The following PCDH9 variants were observed in gnomAD, a reference collection of about 807,000 sequenced individuals.
PCDH9 encodes protocadherin-9.
A neutral mutation model predicts 70.6 loss-of-function variants in PCDH9; 24 were observed. The ratio of observed to expected loss-of-function variants is 0.34; its 90% CI spans 0.25 to 0.48. PCDH9 has a LOEUF of 0.48. Among genes scored for constraint, PCDH9 ranks in the 20% least tolerant of loss-of-function variants. The pLI is 0.99. For missense variants in PCDH9, 1,281 were observed against 1,503.6 expected (o/e 0.85, Z 2.45); for synonymous variants, 562 against 558.5 (o/e 1.01, Z -0.09).
intron 4 of PCDH9, among the ~76,000 whole-genome samples, chr13:66,629,336 T>C (rs1013456494): frequency 6.6e-6 from 1 of 152,170 alleles, no homozygotes; most frequent in Non-Finnish European, 1.5e-5. Flanking sequence ...AGAGAAAACA[T>C]GGTCAGGAAC....
intron 3 of PCDH9, among the ~76,000 whole-genome samples, chr13:66,758,840 C>T (rs1424032582): frequency 1.3e-5 from 2 of 151,966 alleles, no homozygotes; most frequent in Non-Finnish European, 2.9e-5. Flanking sequence ...TTCTTCATAA[C>T]TCAATCTTTG....
intron 2 of PCDH9, among the ~76,000 whole-genome samples, chr13:67,146,169 A>C (rs949557752): frequency 1.3e-5 from 2 of 152,158 alleles, no homozygotes; most frequent in Admixed American, 6.5e-5. Flanking sequence ...CAGGAAATTC[A>C]TGCTAAACAG....
At chr13:66,536,567 G>T (rs1277492500) in intron 4 of PCDH9, among the ~76,000 whole-genome samples, 1 of 151,972 alleles carries the variant, frequency 6.6e-6, no homozygotes, top group African/African-American at 2.4e-5. Flanking sequence ...AGAAAGTCTT[G>T]ATATTTTTGT....
intron 3 of PCDH9, among the ~76,000 whole-genome samples, chr13:66,634,414 A>G (rs887582018): frequency 1.3e-5 from 2 of 152,182 alleles, no homozygotes; most frequent in Admixed American, 1.3e-4. Flanking sequence ...GACATGCAGA[A>G]AAACAAAGAC....
chr13:67,127,392 A>T (rs1016967028), intron 2 of PCDH9, among the ~76,000 whole-genome samples: 1 of 151,944 alleles, frequency 6.6e-6, no homozygotes, highest in African/African-American at 2.4e-5. Flanking sequence ...CTGCTCGTGG[A>T]GTGGTTTTCC....
At chr13:66,753,222 C>A (rs1462268355) in intron 3 of PCDH9, among the ~76,000 whole-genome samples, 1 of 151,868 alleles carries the variant, frequency 6.6e-6, no homozygotes, top group East Asian at 1.9e-4. Context: ...TATCTGTATG[C>A]CCCAAAATTT....
intron 2 of PCDH9, among the ~76,000 whole-genome samples, chr13:67,176,160 C>T (rs982300115): frequency 6.6e-6 from 1 of 151,998 alleles, no homozygotes; most frequent in Admixed American, 6.6e-5. Context: ...CTTTATAAGG[C>T]CTAAAATGTA....
intron 2 of PCDH9, among the ~76,000 whole-genome samples, chr13:67,175,062 GA>G (rs2088413940): frequency 6.6e-6 from 1 of 151,758 alleles, no homozygotes; most frequent in Admixed American, 6.6e-5. Context: ...CTTGAGCCCA[GA>G]AGGTGGAGCA....
intron 2 of PCDH9, among the ~76,000 whole-genome samples, chr13:67,109,611 G>A (rs546014474): frequency 2.0e-5 from 3 of 152,124 alleles, no homozygotes; most frequent in African/African-American, 7.2e-5. Flanking sequence ...TTGAATAAAA[G>A]TCTCTATAAA....
At chr13:67,196,435 T>C (rs977279197) in intron 2 of PCDH9, among the ~76,000 whole-genome samples, 2 of 152,022 alleles carry the variant, frequency 1.3e-5, no homozygotes, top group African/African-American at 2.4e-5. Flanking sequence ...GAAAAACTTC[T>C]TCCATCTCAA....
chr13:66,726,744 A>T (rs556383437), intron 3 of PCDH9, among the ~76,000 whole-genome samples: 40 of 152,302 alleles, frequency 2.6e-4, no homozygotes, highest in African/African-American at 8.2e-4. Context: ...GTCTTGCACG[A>T]TTCTTGAAGT....
intron 4 of PCDH9, among the ~76,000 whole-genome samples, chr13:66,427,092 A>G (rs1957684166): frequency 6.6e-6 from 1 of 151,608 alleles, no homozygotes; most frequent in African/African-American, 2.4e-5. Flanking sequence ...AAGACTAATA[A>G]AATATTTTCC....
At chr13:66,644,747 T>G (rs1020301865) in intron 3 of PCDH9, among the ~76,000 whole-genome samples, 1 of 152,050 alleles carries the variant, frequency 6.6e-6, no homozygotes, top group African/African-American at 2.4e-5. Flanking sequence ...GGTCCTCAAT[T>G]GTCCTCGGCT....
intron 4 of PCDH9, among the ~76,000 whole-genome samples, chr13:66,613,746 T>C (rs1442763066): frequency 9.7e-6 from 1 of 102,948 alleles, no homozygotes; most frequent in Non-Finnish European, 2.1e-5. Flanking sequence ...CTGTGTGCGA[T>C]GTCTGTAAAA....
At chr13:66,617,976 G>C (rs371294882) in intron 4 of PCDH9, among the ~76,000 whole-genome samples, 1 of 152,142 alleles carries the variant, frequency 6.6e-6, no homozygotes, top group African/African-American at 2.4e-5. Context: ...GGTCCCTGGG[G>C]AAACTCTAGC....
At chr13:66,348,820 G>C (rs1461073521) in intron 4 of PCDH9, among the ~76,000 whole-genome samples, 1 of 151,340 alleles carries the variant, frequency 6.6e-6, no homozygotes, top group East Asian at 1.9e-4. Flanking sequence ...GGTCACATTT[G>C]ACTTTTATGT....
chr13:66,739,575 G>C (rs950678103), intron 3 of PCDH9, among the ~76,000 whole-genome samples: 1 of 147,320 alleles, frequency 6.8e-6, no homozygotes, highest in African/African-American at 2.5e-5. Context: ...AGACCCATCA[G>C]TGTGCTGTAT....
intron 2 of PCDH9, among the ~76,000 whole-genome samples, chr13:67,064,639 A>T (rs748814262): frequency 1.3e-5 from 2 of 152,266 alleles, no homozygotes; most frequent in East Asian, 3.9e-4. Context: ...AATTTTACTT[A>T]CAATAATCCT....
chr13:67,055,686 A>G (rs868819896), intron 2 of PCDH9, among the ~76,000 whole-genome samples: 1 of 152,058 alleles, frequency 6.6e-6, no homozygotes, highest in African/African-American at 2.4e-5. Flanking sequence ...CTGTAGTCCC[A>G]GCTACTCAGG....
Sources: allele counts gnomAD v4.1 joint callset (sites outside exome capture counted in the v4.1 genomes callset), GRCh38; gene constraint gnomAD v4.1.1; transcripts MANE v1.5; gene names NCBI Gene and HGNC (gene_info 2026-07-23, HGNC 2026-07-21).